KLHDC1: variants seen among roughly 807,000 people sequenced by gnomAD.
KLHDC1 encodes kelch domain-containing protein 1.
A neutral mutation model predicts 68.3 loss-of-function variants in KLHDC1; 53 were observed. The ratio of observed to expected loss-of-function variants is 0.78; its 90% CI spans 0.62 to 0.98. The LOEUF (loss-of-function observed/expected upper bound fraction) is 0.98, where lower values mean the gene tolerates loss of function less well. Ranked by LOEUF, KLHDC1 falls within the 50% of genes least tolerant of loss-of-function variation. The pLI is 0.00. For missense variants in KLHDC1, 470 were observed against 492.3 expected (o/e 0.95, Z 0.43); for synonymous variants, 148 against 159.0 (o/e 0.93, Z 0.52).
intron 5 of KLHDC1, 100 bp from the exon 6 acceptor site, chr14:49,725,586 G>A (rs1213965061): frequency 7.1e-6 from 5 of 700,298 alleles, no homozygotes; most frequent in Non-Finnish European, 9.5e-6. Context: ...CTCTATTTTT[G>A]TAAGGTGTCT....
At chr14:49,709,889 A>G in intron 3 of KLHDC1, 63 bp downstream of exon 3, 4 of 768,124 alleles carry the variant, frequency 5.2e-6, no homozygotes, top group Non-Finnish European at 8.4e-6. Flanking sequence ...ATTTCATCTC[A>G]CAAGTTACAA....
chr14:49,703,344 A>AT (rs201926678), intron 1 of KLHDC1, among the ~76,000 whole-genome samples: 510 of 141,822 alleles, frequency 3.6e-3, no homozygotes, highest in East Asian at 7.1e-3. Flanking sequence ...TCTTTCATGA[A>AT]TTTTTTTTTT....
Position 49,751,605 on chromosome 14 carries a change from G to C in KLHDC1, c.1054G>C (p.Gly352Arg). The C allele has an allele frequency of 6.4e-7, 1 of 1,557,268 alleles. No individual in the cohort carries two copies. The highest frequency in any genetic ancestry group is 2.3e-5 in the East Asian group (1 of 43,218). Reference sequence around the variant, plus strand: ...TTACAGGTCATGCCTTGACTGCATTGGTAAAAATTCTATCATGTTAGAAAG... The same window carrying C: ...TTACAGGTCATGCCTTGACTGCATTCGTAAAAATTCTATCATGTTAGAAAG... ...SLLRSCLDCI[G>R]KNSIMLESQI... Residue 352 changes from glycine (G) to arginine (R), a missense_variant, in exon 13 of 13, where the codon GGT becomes CGT. Coordinates refer to ENST00000359332, the MANE Select transcript of KLHDC1 (RefSeq NM_172193.3).
In KLHDC1 at chr14:49,694,727, G is replaced by C. The variant is rs747107807; in HGVS notation, c.96+1437G>C. ...AAATTAGCCGGACATGGTGGCGGAT[G>C]CTTGTAATCCCAGCTACTCGGGAGG... On this transcript the variant is annotated intron_variant, in intron 1 of 12. Transcript: ENST00000359332. 3.7e-4 allele frequency among the ~76,000 whole-genome samples: 56 copies of C among 152,212 alleles called. 1 individual carries two copies. Among genetic ancestry groups the C allele is most frequent in the South Asian group, 3.3e-3 (16 of 4,812 alleles).
chr14:49,750,639 AT>A (rs1889301212), intron 12 of KLHDC1, among the ~76,000 whole-genome samples: 1 of 152,208 alleles, frequency 6.6e-6, no homozygotes, highest in African/African-American at 2.4e-5. Flanking sequence ...TGTTAAAAAA[AT>A]TTTTAACACT....
intron 12 of KLHDC1, among the ~76,000 whole-genome samples, chr14:49,749,627 G>A (rs956274867): frequency 8.4e-5 from 12 of 143,306 alleles, no homozygotes; most frequent in African/African-American, 3.1e-4. Context: ...GCAGTAAGCC[G>A]AGATCACATT....
At chr14:49,736,133 A>G (rs1433444923) in intron 10 of KLHDC1, among the ~76,000 whole-genome samples, 4 of 152,190 alleles carry the variant, frequency 2.6e-5, no homozygotes, top group Non-Finnish European at 5.9e-5. Context: ...TATAGACCAA[A>G]GTATTAGTAA....
chr14:49,713,686 G>A (rs891819345), intron 4 of KLHDC1, among the ~76,000 whole-genome samples: 2 of 150,514 alleles, frequency 1.3e-5, no homozygotes, highest in Non-Finnish European at 3.0e-5. Context: ...AGAAGTTTGA[G>A]ACCAGCCTGG....
intron 1 of KLHDC1, among the ~76,000 whole-genome samples, chr14:49,701,749 C>T (rs1253674818): frequency 6.6e-6 from 1 of 152,058 alleles, no homozygotes; most frequent in African/African-American, 2.4e-5. Flanking sequence ...TATTTGTAAC[C>T]AGGGTCGGGT....
chr14:49,712,798 C>G (rs889375324), intron 4 of KLHDC1, among the ~76,000 whole-genome samples: 6 of 152,038 alleles, frequency 3.9e-5, no homozygotes, highest in African/African-American at 1.4e-4. Flanking sequence ...CCGCCACACC[C>G]GGCTTAATTT....
At position 49,723,906 on chromosome 14, in the gene KLHDC1, GAC is replaced by G. The variant is rs1406161440; in HGVS notation, c.441_442del (p.His147GlnfsTer2). On this transcript the variant is annotated frameshift_variant, in exon 5 of 13. Transcript: ENST00000359332. LOFTEE classifies it high-confidence loss of function. The stretch of plus-strand genomic sequence containing the variant: ...TATTTTGGTGGTTATGGGTGTAGGA[GAC>G]ACAGTGAACTCCAAGACTGTTTTGA... 4 of 1,604,884 alleles carry G rather than the reference GAC, an allele frequency of 2.5e-6. No individual in the cohort carries two copies. In the South Asian group the frequency reaches 3.3e-5, roughly 13 times the overall value.
intron 4 of KLHDC1, among the ~76,000 whole-genome samples, chr14:49,722,893 C>T (rs1888566806): frequency 6.6e-6 from 1 of 151,792 alleles, no homozygotes; most frequent in Non-Finnish European, 1.5e-5. Flanking sequence ...TCAAGACCAG[C>T]CTGGCCAACA....
chr14:49,732,726 C>T lies in KLHDC1; in HGVS notation c.733C>T (p.Pro245Ser). Residue 245 changes from proline (P) to serine (S), a missense_variant, in exon 9 of 13, where the codon CCA (proline) becomes TCA (serine). By Grantham distance (74) the Pro-to-Ser change is moderately conservative. Coordinates refer to ENST00000359332, the MANE Select transcript of KLHDC1 (RefSeq NM_172193.3). ...SGRITINGESPKHRSWHTLTP... is the reference protein window; with the variant it reads ...SGRITINGESSKHRSWHTLTP... ...CAGGATTACTATTAATGGAGAAAGC[C>T]CAAAACATCGGTCATGGCATACTTT... The T allele has an allele frequency of 6.2e-7, 1 of 1,602,700 alleles. No individual in the cohort carries two copies. The highest frequency in any genetic ancestry group is 2.2e-5 in the East Asian group (1 of 44,740).
rs182783724 is a variant in KLHDC1 at position 49,747,169 on chromosome 14, G to A, written c.1034+3364G>A. ...TCACCATGTTAGCCAGGATGGTCTC[G>A]ATCTCCTGACCTCGTGATTCACCCG... On this transcript the variant is annotated intron_variant, in intron 12 of 12. Coordinates refer to ENST00000359332, the MANE Select transcript of KLHDC1 (RefSeq NM_172193.3). Among the ~76,000 whole-genome samples, 201 of 152,088 alleles carry A rather than the reference G, an allele frequency of 1.3e-3. 2 individuals are homozygous for A. The highest frequency in any genetic ancestry group is 2.2e-3 in the Non-Finnish European group (151 of 67,988).
At chr14:49,725,972 T>TGACTAGC (rs1297139263) in intron 6 of KLHDC1, among the ~76,000 whole-genome samples, 1 of 152,042 alleles carries the variant, frequency 6.6e-6, no homozygotes, top group Non-Finnish European at 1.5e-5. Flanking sequence ...CTCAGCCTCC[T>TGACTAGC]GACTAGCTGG....
intron 4 of KLHDC1, among the ~76,000 whole-genome samples, chr14:49,717,390 G>T (rs990995669): frequency 6.6e-6 from 1 of 152,134 alleles, no homozygotes; most frequent in Non-Finnish European, 1.5e-5. Flanking sequence ...GTGTGTGTGT[G>T]TGTGTTTTTA....
rs1216324056 is a variant in KLHDC1, at chr14:49,752,616, A to G, written c.*844A>G. On this transcript the variant is annotated 3_prime_UTR_variant, in exon 13 of 13. Coordinates refer to ENST00000359332, the MANE Select transcript of KLHDC1 (RefSeq NM_172193.3). ...GATGGTAATCTAGTAATTTGACTTT[A>G]TAGAAATCCCTCAGTTTGGCCCCCA... 3 of 152,300 alleles carry G rather than the reference A, an allele frequency of 2.0e-5. No individual in the cohort carries two copies. Among genetic ancestry groups the G allele is most frequent in the Admixed American group, 2.0e-4 (3 of 15,256 alleles). 9.4% of individuals were successfully genotyped at this position (152,300 alleles called of 1,614,324 possible).
chr14:49,728,798 G>A (rs1398853538), intron 6 of KLHDC1, 128 bp from the exon 7 acceptor site: 4 of 692,444 alleles, frequency 5.8e-6, no homozygotes, highest in Non-Finnish European at 1.0e-5. Context: ...TTTTGCATTA[G>A]CGTTTTTAAT....
At chr14:49,732,207 C>T (rs1409052145) in intron 8 of KLHDC1, among the ~76,000 whole-genome samples, 3 of 151,664 alleles carry the variant, frequency 2.0e-5, no homozygotes, top group African/African-American at 7.3e-5. Flanking sequence ...CAGTCTCTCT[C>T]TGTCACCCAG....
Sources: gnomAD v4.1 joint callset for allele counts (sites outside exome capture counted in the v4.1 genomes callset) on GRCh38, gnomAD v4.1.1 for gene constraint, MANE v1.5 for transcripts, NCBI Gene and HGNC (gene_info 2026-07-23, HGNC 2026-07-21) for gene names.